Variants in INSL4 observed in about 807,000 individuals in gnomAD.
INSL4 encodes early placenta insulin-like peptide.
In INSL4, 7 loss-of-function variants were observed where a neutral mutation model predicts 6.5. The observed-to-expected ratio is 1.08, with a 90% confidence interval of 0.61 to 2.02. The LOEUF (loss-of-function observed/expected upper bound fraction) is 2.02, where lower values mean the gene tolerates loss of function less well. Among genes scored for constraint, INSL4 ranks in the 30% most tolerant of loss-of-function variants. The pLI is 0.00. For missense variants in INSL4, 226 were observed against 163.2 expected (o/e 1.38, Z -2.09); for synonymous variants, 82 against 65.8 (o/e 1.25, Z -1.19).
In INSL4 at chr9:5,231,956, T is replaced by C. The variant is rs547922991; in HGVS notation, c.196+237T>C. On this transcript the variant is annotated intron_variant, in intron 1 of 1. Transcript: ENST00000239316. Reference sequence around the variant, plus strand: ...ACAGCCTCACCTTGGAGGCTCTTGGTGCCTTTCCCACCTGGCAGCCAGAGA... The same window carrying C: ...ACAGCCTCACCTTGGAGGCTCTTGGCGCCTTTCCCACCTGGCAGCCAGAGA... 4.6e-5 allele frequency among the ~76,000 whole-genome samples: 7 copies of C among 152,250 alleles called. No individual in the cohort carries two copies. The South Asian group carries it at 1.5e-3, about 32-fold the overall frequency.
In INSL4 at chr9:5,234,961, G is replaced by A. The variant is rs1463102055; in HGVS notation, c.*1084G>A. The A allele has an allele frequency of 6.6e-6, 1 of 152,122 alleles. No individual in the cohort carries two copies. The highest frequency in any genetic ancestry group is 1.5e-5 in the Non-Finnish European group (1 of 68,020). 9.4% of individuals were successfully genotyped at this position (152,122 alleles called of 1,614,324 possible). The stretch of plus-strand genomic sequence containing the variant: ...ACTGTAATGATCCACAGGAATCAGG[G>A]TCGTGTTTAATGCCAACATGTGAAA... On this transcript the variant is annotated 3_prime_UTR_variant, in exon 2 of 2. Transcript: ENST00000239316.
In INSL4 at chr9:5,231,768, G is replaced by T. The variant is rs377211024; in HGVS notation, c.196+49G>T. On this transcript the variant is annotated intron_variant, in intron 1 of 1. Transcript: ENST00000239316. Reference sequence around the variant, plus strand: ...AATCAGAATGAGGCCTGAAAAAACAGGCTCCAGATCTCATTGACTGCCTGT... The same window carrying T: ...AATCAGAATGAGGCCTGAAAAAACATGCTCCAGATCTCATTGACTGCCTGT... The T allele has an allele frequency of 5.8e-6, 9 of 1,541,792 alleles. No homozygotes were observed. In the African/African-American group the frequency reaches 1.2e-4, roughly 21 times the overall value.
At chr9:5,233,598 T>A (rs779201321) in intron 1 of INSL4, 56 bp from the exon 2 acceptor site, 48 of 1,389,086 alleles carry the variant, frequency 3.5e-5, no homozygotes, top group Non-Finnish European at 4.7e-5. Context: ...ATTTTTCTGA[T>A]CCTCTTTCAC....
At position 5,231,837 on chromosome 9, in the gene INSL4, G is replaced by T. The variant is rs189822241; in HGVS notation, c.196+118G>T. On this transcript the variant is annotated intron_variant, in intron 1 of 1. Transcript: ENST00000239316. The stretch of plus-strand genomic sequence containing the variant: ...TGTGGCTAGTGCCTACAAGTTTGTG[G>T]TTTTTCATTGTAATGTGCTTTTATT... 1.1e-3 allele frequency: 922 copies of T among 837,808 alleles called. 8 individuals carry two copies. The African/African-American group carries it at 0.014, about 13-fold the overall frequency. The allele number at this position is 837,808 out of a possible 1,614,324, so 51.9% of individuals were successfully genotyped here.
chr9:5,232,357 C>A (rs1452051550), intron 1 of INSL4, among the ~76,000 whole-genome samples: 1 of 152,076 alleles, frequency 6.6e-6, no homozygotes. Context: ...TGCACACCAA[C>A]AGAGCACCTT....
In INSL4 at chr9:5,231,451, G is replaced by T. The variant is rs909001836; in HGVS notation, c.-73G>T. On this transcript the variant is annotated 5_prime_UTR_variant, in exon 1 of 2. Transcript: ENST00000239316. ...AGCCCAGAAGGGACACACCAGCACA[G>T]TCTGGTAGGCTACAGCAGCAAGTCT... The T allele has an allele frequency of 7.6e-6, 11 of 1,449,944 alleles. No homozygotes were observed. In the East Asian group the frequency reaches 2.3e-4, roughly 30 times the overall value. The allele number at this position is 1,449,944 out of a possible 1,614,324, so 89.8% of individuals were successfully genotyped here.
rs769224879 is a variant in INSL4 at position 5,233,813 on chromosome 9, G to A, written c.356G>A (p.Arg119Lys). ...LSRKKRSGRHRFDPFCCEVIC... is the reference protein window; with the variant it reads ...LSRKKRSGRHKFDPFCCEVIC... ...CGCAAAAAGAGAAGTGGACGTCACA[G>A]ATTTGATCCATTCTGTTGTGAAGTA... Residue 119 changes from arginine (R) to lysine (K), a missense_variant, in exon 2 of 2, where the codon AGA (arginine) becomes AAA (lysine). Coordinates refer to ENST00000239316, the MANE Select transcript of INSL4 (RefSeq NM_002195.2). 7.4e-6 allele frequency: 12 copies of A among 1,613,582 alleles called. No individual in the cohort carries two copies. The highest frequency in any genetic ancestry group is 9.3e-6 in the Non-Finnish European group (11 of 1,179,718).
Position 5,233,945 on chromosome 9 carries a change from C to T in INSL4, c.*68C>T, listed in dbSNP as rs1826188336. ...ATTCTCAATGACAAATTCACTGATG[C>T]CCAATTAAATGATTGCTGTTTATTA... On this transcript the variant is annotated 3_prime_UTR_variant, in exon 2 of 2. Transcript: ENST00000239316. The T allele has an allele frequency of 9.8e-7, 1 of 1,019,284 alleles. No homozygotes were observed. The highest frequency in any genetic ancestry group is 1.5e-6 in the Non-Finnish European group (1 of 656,674). The allele number at this position is 1,019,284 out of a possible 1,614,324, so 63.1% of individuals were successfully genotyped here. A position where few individuals can be genotyped will look rare whatever the true frequency, so the allele number is the denominator to read the frequency against.
In INSL4 at chr9:5,234,183, A is replaced by T. The variant is rs1243609048; in HGVS notation, c.*306A>T. The T allele has an allele frequency of 3.3e-6, 1 of 303,582 alleles. No individual in the cohort carries two copies. Among genetic ancestry groups the T allele is most frequent in the East Asian group, 7.3e-5 (1 of 13,788 alleles). The allele number at this position is 303,582 out of a possible 1,614,324, so 18.8% of individuals were successfully genotyped here. On this transcript the variant is annotated 3_prime_UTR_variant, in exon 2 of 2. Coordinates refer to ENST00000239316, the MANE Select transcript of INSL4 (RefSeq NM_002195.2). ...ACAAAAAAGATGAATGTTAGTTTGG[A>T]TGCATATCCCAATTACCCTGATTTG...
Position 5,231,634 on chromosome 9 carries a change from A to T in INSL4, c.111A>T (p.Lys37Asn), listed in dbSNP as rs1826147202. 1 of 1,613,672 alleles carries T rather than the reference A, an allele frequency of 6.2e-7. No homozygotes were observed. Residue 37 changes from lysine (K) to asparagine (N), a missense_variant, in exon 1 of 2, where the codon AAA (lysine) becomes AAT (asparagine). By Grantham distance (94) the Lys-to-Asn change is moderately conservative. Coordinates refer to ENST00000239316, the MANE Select transcript of INSL4 (RefSeq NM_002195.2). ...GGGGATGTGGTCCCCGATTTGGAAA[A>T]CACTTGCTGTCATATTGCCCCATGC... ...ELRGCGPRFG[K>N]HLLSYCPMPE...
chr9:5,233,430 A>G (rs189919733), intron 1 of INSL4, among the ~76,000 whole-genome samples: 56 of 152,228 alleles, frequency 3.7e-4, no homozygotes, highest in African/African-American at 1.2e-3. Flanking sequence ...CATAGAGGGG[A>G]CAGGATGAGG....
Position 5,231,600 on chromosome 9 carries a change from C to T in INSL4, c.77C>T (p.Ala26Val). ...LSQLLRESLAAELRGCGPRFG... is the reference protein window; with the variant it reads ...LSQLLRESLAVELRGCGPRFG... ...CAACTCCTTAGAGAAAGCCTAGCAG[C>T]AGAGCTGAGGGGATGTGGTCCCCGA... The change falls in exon 1 of 2, where the codon GCA becomes GTA. Residue 26 changes from alanine (A) to valine (V), a missense_variant. Physicochemically the swap from Ala to Val is moderately conservative, Grantham distance 64. Coordinates refer to ENST00000239316, the MANE Select transcript of INSL4 (RefSeq NM_002195.2). The T allele has an allele frequency of 6.2e-7, 1 of 1,613,916 alleles. No homozygotes were observed. The highest frequency in any genetic ancestry group is 8.5e-7 in the Non-Finnish European group (1 of 1,179,884).
chr9:5,233,264 G>C (rs1042493893), intron 1 of INSL4, among the ~76,000 whole-genome samples: 1 of 152,058 alleles, frequency 6.6e-6, no homozygotes, highest in Non-Finnish European at 1.5e-5. Context: ...GATCAGATTT[G>C]AATATCTGAA....
chr9:5,231,787 T>C (rs1826150256), intron 1 of INSL4, 68 bp downstream of exon 1: 2 of 1,391,384 alleles, frequency 1.4e-6, no homozygotes, highest in Non-Finnish European at 2.0e-6. Context: ...TCTCATTGAC[T>C]GCCTGTAGTC....
chr9:5,232,961 T>A (rs946774813), intron 1 of INSL4, among the ~76,000 whole-genome samples: 10 of 152,284 alleles, frequency 6.6e-5, no homozygotes, highest in African/African-American at 2.4e-4. Flanking sequence ...AGTCAGAGCT[T>A]GTTTCATTTT....
intron 1 of INSL4, 106 bp from the exon 2 acceptor site, chr9:5,233,548 T>G: frequency 1.4e-6 from 1 of 733,638 alleles, no homozygotes; most frequent in South Asian, 1.8e-5. Context: ...TTTAATTACA[T>G]GGAGGCAATG....
At chr9:5,233,086 T>A (rs1230255666) in intron 1 of INSL4, among the ~76,000 whole-genome samples, 2 of 152,148 alleles carry the variant, frequency 1.3e-5, no homozygotes, top group African/African-American at 4.8e-5. Flanking sequence ...AGTAAATAAG[T>A]GAAAATCCTC....
chr9:5,232,593 G>A (rs1826164775), intron 1 of INSL4, among the ~76,000 whole-genome samples: 1 of 152,136 alleles, frequency 6.6e-6, no homozygotes, highest in South Asian at 2.1e-4. Flanking sequence ...TCAATACCAG[G>A]ATAGTTTTCA....
intron 1 of INSL4, among the ~76,000 whole-genome samples, 175 bp downstream of exon 1, chr9:5,231,894 T>C (rs564358345): frequency 1.3e-5 from 2 of 152,250 alleles, no homozygotes; most frequent in Admixed American, 6.5e-5. Context: ...TCATGGGAAG[T>C]TGGGGGTAGA....
Sources: allele counts gnomAD v4.1 joint callset (sites outside exome capture counted in the v4.1 genomes callset), GRCh38; gene constraint gnomAD v4.1.1; transcripts MANE v1.5; gene names NCBI Gene and HGNC (gene_info 2026-07-23, HGNC 2026-07-21).